Variants in ATG2A observed in about 807,000 individuals in gnomAD.
ATG2A encodes the protein autophagy related 2A.
A neutral mutation model predicts 214.2 loss-of-function variants in ATG2A; 103 were observed. That is an observed-to-expected ratio of 0.48 (90% CI 0.41 to 0.57). The LOEUF (loss-of-function observed/expected upper bound fraction) is 0.57. Ranked by LOEUF, ATG2A falls within the 20% of genes least tolerant of loss-of-function variation. The pLI is 0.00. For missense variants in ATG2A, 2,312 were observed against 2,613.2 expected, an observed-to-expected ratio of 0.88 and a Z score of 2.51; for synonymous variants, 1,160 against 1,142.1, an observed-to-expected ratio of 1.02 and a Z score of -0.32.
rs759847322 is a variant in ATG2A, at chr11:64,910,027, A to AG, written c.1863+12dup. 1.9e-6 allele frequency: 3 copies of AG among 1,564,572 alleles called. No individual in the cohort carries two copies. In the Admixed American group the frequency reaches 5.3e-5, roughly 28 times the overall value. Reference sequence around the variant, plus strand: ...CACCCACCCCCGGCCTGGCCCTGGCAGGGGCCTCTCACCAGCAGGCCGGCT... The same window carrying AG: ...CACCCACCCCCGGCCTGGCCCTGGCAGGGGGCCTCTCACCAGCAGGCCGGCT... On this transcript the variant is annotated intron_variant, in intron 13 of 40. Coordinates refer to ENST00000377264, the MANE Select transcript of ATG2A (RefSeq NM_015104.3).
chr11:64,904,772 T>C (rs1232146705), intron 24 of ATG2A, among the ~76,000 whole-genome samples: 1 of 148,110 alleles, frequency 6.8e-6, no homozygotes, highest in African/African-American at 2.5e-5. Context: ...CTGTATCCAA[T>C]GTTATTTGAG....
chr11:64,903,971 C>T lies in ATG2A; in HGVS notation c.3465-311G>A, dbSNP rs911452739. On this transcript the variant is annotated intron_variant, in intron 24 of 40. Transcript: ENST00000377264. This position sits in a 1 kb window ranked among gnomAD's most constrained non-coding sequence, Gnocchi z 4.2. ...AAAATAAGTCCTTATTTTTGGCTGGCGCGGTGGCTCACGCCTGTAATCCCA... is the reference window on the plus strand; with the variant it reads ...AAAATAAGTCCTTATTTTTGGCTGGTGCGGTGGCTCACGCCTGTAATCCCA... 2.0e-5 allele frequency among the ~76,000 whole-genome samples: 3 copies of T among 152,212 alleles called. No homozygotes were observed. Among genetic ancestry groups the T allele is most frequent in the East Asian group, 1.9e-4 (1 of 5,198 alleles).
chr11:64,895,659 A>C lies in ATG2A; in HGVS notation c.5428-217T>G, dbSNP rs965906242. Among the ~76,000 whole-genome samples, 43 of 151,342 alleles carry C rather than the reference A, an allele frequency of 2.8e-4. No homozygotes were observed. Among genetic ancestry groups the C allele is most frequent in the African/African-American group, 9.5e-4 (39 of 41,070 alleles). On this transcript the variant is annotated intron_variant, in intron 39 of 40. Transcript: ENST00000377264. This position sits in a 1 kb window ranked among gnomAD's most constrained non-coding sequence, Gnocchi z 5.0. ...TGCTGAGGGAACCTAGGAACGTGGG[A>C]CTCCTCAGGGGACTTTCCTAAAGTC...
In ATG2A at chr11:64,897,963, T is replaced by A; in HGVS notation, c.4870A>T (p.Thr1624Ser). The A allele has an allele frequency of 6.4e-7, 1 of 1,551,800 alleles. No individual in the cohort carries two copies. Among genetic ancestry groups the A allele is most frequent in the Non-Finnish European group, 8.7e-7 (1 of 1,151,794 alleles). ...AGGGGGCTGCTGGGCTGGGCTCGAGTCTCGGGGCGAGCTAGGGGAGGGGAG... is the reference window on the plus strand; with the variant it reads ...AGGGGGCTGCTGGGCTGGGCTCGAGACTCGGGGCGAGCTAGGGGAGGGGAG... ...GETSAEARPE[T>S]RAQPSSPLEG... is the part of the protein sequence containing the mutation. The change falls in exon 35 of 41, where the codon ACT becomes TCT. Residue 1624 changes from threonine (T) to serine (S), a missense_variant. By Grantham distance (58) the Thr-to-Ser change is moderately conservative. Coordinates refer to ENST00000377264, the MANE Select transcript of ATG2A (RefSeq NM_015104.3).
In ATG2A at chr11:64,905,636, G is replaced by T. The variant is rs773884095; in HGVS notation, c.3391C>A (p.Arg1131Ser). ...VDYRPLYLPV[R>S]VLITAETFTL... ...AAGGTCTCCGCGGTGATGAGGACAC[G>T]CACTGGGAGGTAGAGTGGCCTGGGG... The change falls in exon 24 of 41, where the codon CGT becomes AGT. Residue 1131 changes from arginine to serine, a missense_variant. Coordinates refer to ENST00000377264, the MANE Select transcript of ATG2A (RefSeq NM_015104.3). 6.2e-7 allele frequency: 1 copy of T among 1,613,804 alleles called. No individual in the cohort carries two copies. The highest frequency in any genetic ancestry group is 8.5e-7 in the Non-Finnish European group (1 of 1,179,900).
Position 64,913,007 on chromosome 11 carries a change from T to C in ATG2A, c.825+31A>G. ...GAGGAGGAGTCTTGAGATGGGGTAC[T>C]CACCCCCTCCCCAGGGGCCTGGGGA... On this transcript the variant is annotated intron_variant, in intron 6 of 40. Transcript: ENST00000377264. This position sits in a 1 kb window ranked among gnomAD's most constrained non-coding sequence, Gnocchi z 4.3. 6.8e-7 allele frequency: 1 copy of C among 1,467,392 alleles called. No homozygotes were observed. The highest frequency in any genetic ancestry group is 9.2e-7 in the Non-Finnish European group (1 of 1,089,794). The allele number at this position is 1,467,392 out of a possible 1,614,324, so 90.9% of individuals were successfully genotyped here. A position where few individuals can be genotyped will look rare whatever the true frequency, so the allele number is the denominator to read the frequency against.
chr11:64,909,804 G>C lies in ATG2A; in HGVS notation c.1984C>G (p.Gln662Glu). 6.2e-7 allele frequency: 1 copy of C among 1,611,800 alleles called. No homozygotes were observed. The highest frequency in any genetic ancestry group is 8.5e-7 in the Non-Finnish European group (1 of 1,179,598). The change falls in exon 14 of 41, where the codon CAG (glutamine) becomes GAG (glutamate). Residue 662 changes from glutamine to glutamate, a missense_variant. By Grantham distance (29) the Gln-to-Glu change is conservative. Coordinates refer to ENST00000377264, the MANE Select transcript of ATG2A (RefSeq NM_015104.3). Reference protein sequence around the residue: ...LRPEPDPWAGQAVRAEQLRLE... With the variant: ...LRPEPDPWAGEAVRAEQLRLE... ...CGAAGCTGCTCAGCCCGCACGGCCT[G>C]GCCCGCCCAGGGGTCCGGCTCAGGC...
At position 64,917,156 on chromosome 11, in the gene ATG2A, G is replaced by A. The variant is rs1945020199; in HGVS notation, c.-21C>T. On this transcript the variant is annotated 5_prime_UTR_variant, in exon 1 of 41. Coordinates refer to ENST00000377264, the MANE Select transcript of ATG2A (RefSeq NM_015104.3). ...GACATCTCGGAGACCGCCGGGCCTGGGCCGCCTCCGCTTGCCGCCCGCCGG... is the reference window on the plus strand; with the variant it reads ...GACATCTCGGAGACCGCCGGGCCTGAGCCGCCTCCGCTTGCCGCCCGCCGG... The A allele has an allele frequency of 1.3e-6, 2 of 1,577,890 alleles. No homozygotes were observed. Among genetic ancestry groups the A allele is most frequent in the African/African-American group, 1.4e-5 (1 of 73,308 alleles).
At position 64,911,239 on chromosome 11, in the gene ATG2A, C is replaced by A. The variant is rs767644437; in HGVS notation, c.1265G>T (p.Arg422Leu). 10 of 1,613,866 alleles carry A rather than the reference C, an allele frequency of 6.2e-6. No individual in the cohort carries two copies. Among genetic ancestry groups the A allele is most frequent in the Non-Finnish European group, 8.5e-6 (10 of 1,180,028 alleles). The change falls in exon 10 of 41, where the codon CGC becomes CTC. Residue 422 changes from arginine (R) to leucine (L), a missense_variant. Coordinates refer to ENST00000377264, the MANE Select transcript of ATG2A (RefSeq NM_015104.3). The part of the protein sequence containing the change: ...MAPNPLLDTM[R>L]PDSLLKMTLG... Reference sequence around the variant, plus strand: ...GGTCATCTTCAGCAGCGAGTCAGGGCGCATGGTGTCCAGGAGGGGGTTGGG... The same window carrying A: ...GGTCATCTTCAGCAGCGAGTCAGGGAGCATGGTGTCCAGGAGGGGGTTGGG...
rs777793166 is a variant in ATG2A at position 64,903,664 on chromosome 11, G to C, written c.3465-4C>G. The stretch of plus-strand genomic sequence containing the variant: ...GGCGGAGTCATCGAGGATGAACCTG[G>C]GGGGGAACAGGGCTGAGAAGGGCCC... On this transcript the variant is annotated splice_region_variant and splice_polypyrimidine_tract_variant and intron_variant, in intron 24 of 40. Coordinates refer to ENST00000377264, the MANE Select transcript of ATG2A (RefSeq NM_015104.3). The surrounding 1 kb of genome is among the most constrained non-coding windows in gnomAD (Gnocchi z 4.2). The C allele has an allele frequency of 6.8e-5, 105 of 1,549,290 alleles. No individual in the cohort carries two copies. Among genetic ancestry groups the C allele is most frequent in the Non-Finnish European group, 8.5e-5 (97 of 1,146,032 alleles).
At chr11:64,905,098 C>T (rs995212630) in intron 24 of ATG2A, among the ~76,000 whole-genome samples, 1 of 152,138 alleles carries the variant, frequency 6.6e-6, no homozygotes, top group South Asian at 2.1e-4. Flanking sequence ...TTGTGATCTG[C>T]CTGCCTCAGC....
In ATG2A at chr11:64,911,936, G is replaced by T; in HGVS notation, c.1134C>A (p.Ala378=). 6.2e-7 allele frequency: 1 copy of T among 1,613,700 alleles called. No individual in the cohort carries two copies. Among genetic ancestry groups the T allele is most frequent in the Non-Finnish European group, 8.5e-7 (1 of 1,179,826 alleles). The part of the protein sequence containing the change: ...MAGLTSSVAS[A]LSELSLSDVD... ...CATCGGAGAGGGAGAGCTCAGAGAGGGCTGAGGCCACACTGCTTGTGAGGC... is the reference window on the plus strand; with the variant it reads ...CATCGGAGAGGGAGAGCTCAGAGAGTGCTGAGGCCACACTGCTTGTGAGGC... The change falls in exon 9 of 41, where the codon GCC becomes GCA. Residue 378 remains alanine (A), a synonymous_variant. Coordinates refer to ENST00000377264, the MANE Select transcript of ATG2A (RefSeq NM_015104.3).
rs1354338017 is a variant in ATG2A at position 64,898,795 on chromosome 11, A to G, written c.4512T>C (p.Pro1504=). 1 of 1,613,522 alleles carries G rather than the reference A, an allele frequency of 6.2e-7. No homozygotes were observed. The change falls in exon 32 of 41, where the codon CCT becomes CCC. Residue 1504 remains proline (P), a synonymous_variant. Transcript: ENST00000377264. This position sits in a 1 kb window ranked among gnomAD's most constrained non-coding sequence, Gnocchi z 4.5. ...EVYPAEPATG[P]AAPSQELEER... is the part of the protein sequence containing the mutation. ...CCTCCAGCTCCTGGCTGGGGGCCGC[A>G]GGGCCTGTGGCTGGCTCCGCTGGGT...
At chr11:64,906,844 C>G in intron 19 of ATG2A, 29 bp from the exon 20 acceptor site, 1 of 1,602,214 alleles carries the variant, frequency 6.2e-7, no homozygotes, top group Non-Finnish European at 8.5e-7. Flanking sequence ...GCCTGGCTTC[C>G]CCAGCTGCAC....
intron 24 of ATG2A, among the ~76,000 whole-genome samples, chr11:64,904,852 C>G (rs910918303): frequency 6.6e-5 from 10 of 151,462 alleles, no homozygotes; most frequent in African/African-American, 2.4e-4. Context: ...ATCTATCTAT[C>G]TATCTATCTA....
chr11:64,904,971 T>C (rs1429785276), intron 24 of ATG2A, among the ~76,000 whole-genome samples: 2 of 152,194 alleles, frequency 1.3e-5, no homozygotes, highest in Admixed American at 6.5e-5. Flanking sequence ...TTCTCCTGCC[T>C]CAGCCTCCCA....
chr11:64,909,709 G>A lies in ATG2A; in HGVS notation c.2079C>T (p.His693=). 1 of 1,613,208 alleles carries A rather than the reference G, an allele frequency of 6.2e-7. No individual in the cohort carries two copies. Among genetic ancestry groups the A allele is most frequent in the Non-Finnish European group, 8.5e-7 (1 of 1,179,988 alleles). The change falls in exon 14 of 41, where the codon CAC becomes CAT. Residue 693 remains histidine, a synonymous_variant. Coordinates refer to ENST00000377264, the MANE Select transcript of ATG2A (RefSeq NM_015104.3). ...SSGPGPPVPT[H]LELTCSDLHG... ...GTAGGTCGGAGCAGGTGAGTTCCAG[G>A]TGGGTGGGGACTGGGGGACCAGGCC...
In ATG2A at chr11:64,903,495, C is replaced by T. The variant is rs139418859; in HGVS notation, c.3535+95G>A. The T allele has an allele frequency of 1.3e-5, 20 of 1,483,052 alleles. No individual in the cohort carries two copies. Among genetic ancestry groups the T allele is most frequent in the South Asian group, 2.5e-5 (2 of 80,424 alleles). 91.9% of individuals were successfully genotyped at this position (1,483,052 alleles called of 1,614,324 possible). ...GGGCTACGTGTGGGAGCTAAGGACC[C>T]GGCCAGCAGCTGCGGGGAGACACCT... On this transcript the variant is annotated intron_variant, in intron 25 of 40. Transcript: ENST00000377264. The surrounding 1 kb of genome is among the most constrained non-coding windows in gnomAD (Gnocchi z 4.2).
rs1234975412 is a variant in ATG2A at position 64,896,439 on chromosome 11, C to A, written c.5427+23G>T. Reference sequence around the variant, plus strand: ...CTCCAGCTGCTCTGTCCTGCACAGCCCAGATACAGGGCACCCACTCACCTG... The same window carrying A: ...CTCCAGCTGCTCTGTCCTGCACAGCACAGATACAGGGCACCCACTCACCTG... On this transcript the variant is annotated intron_variant, in intron 39 of 40. Transcript: ENST00000377264. 3 of 1,596,938 alleles carry A rather than the reference C, an allele frequency of 1.9e-6. No individual in the cohort carries two copies. The Admixed American group carries it at 5.2e-5, about 28-fold the overall frequency.
Sources: gnomAD v4.1 joint callset for allele counts (sites outside exome capture counted in the v4.1 genomes callset) on GRCh38, gnomAD v4.1.1 for gene constraint, Gnocchi (gnomAD v3.1) non-coding constraint, MANE v1.5 for transcripts, NCBI Gene and HGNC (gene_info 2026-07-23, HGNC 2026-07-21) for gene names.